Variants in SSUH2 observed in about 807,000 individuals in gnomAD.
SSUH2 encodes ssu-2 homolog.
Under a neutral mutation model 55.3 loss-of-function variants are expected in SSUH2, and 47 were observed. That is an observed-to-expected ratio of 0.85 (90% confidence interval 0.67 to 1.08). SSUH2 has a LOEUF of 1.08. Among genes scored for constraint, SSUH2 ranks in the 50% least tolerant of loss-of-function variants. The pLI is 0.00. For synonymous variants in SSUH2, 212 were observed against 191.5 expected, an observed-to-expected ratio of 1.11 and a Z score of -0.89; for missense variants, 535 against 490.7, an observed-to-expected ratio of 1.09 and a Z score of -0.85.
At chr3:8,628,378 T>C (rs776197991) in intron 7 of SSUH2, among the ~76,000 whole-genome samples, 24 of 152,120 alleles carry the variant, frequency 1.6e-4, no homozygotes, top group Non-Finnish European at 2.9e-5. Context: ...AGTTTGGTTT[T>C]ACCCCCTGGG....
At chr3:8,625,969 G>C (rs1257543897) in intron 9 of SSUH2, among the ~76,000 whole-genome samples, 1 of 152,210 alleles carries the variant, frequency 6.6e-6, no homozygotes, top group East Asian at 1.9e-4. Context: ...ATTCCTACGG[G>C]AAGGGCTCAG....
At chr3:8,629,428 G>T (rs989105847) in intron 7 of SSUH2, 2 of 562,668 alleles carry the variant, frequency 3.6e-6, no homozygotes, top group African/African-American at 1.9e-5. Flanking sequence ...AGATGGATGA[G>T]AAAATAAGAG....
chr3:8,648,586 T>C (rs1702006916), upstream of SSUH2, among the ~76,000 whole-genome samples: 1 of 152,108 alleles, frequency 6.6e-6, no homozygotes, highest in African/African-American at 2.4e-5. Context: ...GAAGTCTTTC[T>C]AGAAGCTTCC....
intron 8 of SSUH2, chr3:8,627,086 C>G (rs1474399225): frequency 1.3e-5 from 2 of 152,248 alleles, no homozygotes; most frequent in African/African-American, 2.4e-5. Context: ...ATGGCCTGGG[C>G]TTTAATGAGG....
chr3:8,670,640 C>A (rs776374183), intron 5 of SSUH2, among the ~76,000 whole-genome samples: 3 of 151,790 alleles, frequency 2.0e-5, no homozygotes, highest in African/African-American at 7.3e-5. Context: ...AGGAGTAACA[C>A]CCCCGAGGAT....
At position 8,629,678 on chromosome 3, in the gene SSUH2, G is replaced by A; in HGVS notation, c.574C>T (p.His192Tyr). The change falls in exon 7 of 12, where the codon CAC becomes TAC. Residue 192 changes from histidine to tyrosine, a missense_variant. By Grantham distance (83) the His-to-Tyr change is moderately conservative. Coordinates refer to ENST00000544814, the MANE Select transcript of SSUH2 (RefSeq NM_001256748.3). ...GRGRYKCSGC[H>Y]GAGTVRCPSC... ...AGATGACTCACCGTGCCCGCCCCGT[G>A]GCAGCCGCTGCACTTGTACCGCCCA... 8.6e-7 allele frequency: 1 copy of A among 1,159,932 alleles called. No individual in the cohort carries two copies. The highest frequency in any genetic ancestry group is 2.1e-5 in the Admixed American group (1 of 47,472). 71.9% of individuals were successfully genotyped at this position (1,159,932 alleles called of 1,614,324 possible).
chr3:8,631,091 A>C (rs1698681881), intron 5 of SSUH2, among the ~76,000 whole-genome samples, 162 bp from the exon 6 acceptor site: 1 of 152,196 alleles, frequency 6.6e-6, no homozygotes, highest in Admixed American at 6.5e-5. Context: ...GGCAGTGACT[A>C]AGCAACCAAG....
chr3:8,663,061 C>T (rs1171705227), intron 6 of SSUH2, among the ~76,000 whole-genome samples: 1 of 152,216 alleles, frequency 6.6e-6, no homozygotes, highest in Non-Finnish European at 1.5e-5. Flanking sequence ...ATAAAAACAG[C>T]CACTGCCATG....
intron 1 of SSUH2, chr3:8,639,919 CGTAA>C (rs1399275442): frequency 1.0e-6 from 1 of 971,322 alleles, no homozygotes; most frequent in Admixed American, 6.2e-5. Context: ...AACAGGCACA[CGTAA>C]GTGTTAGGGG....
upstream of SSUH2, among the ~76,000 whole-genome samples, chr3:8,646,937 G>A (rs1701748477): frequency 6.6e-6 from 1 of 152,224 alleles, no homozygotes; most frequent in Admixed American, 6.5e-5. Flanking sequence ...TCCTGCATGT[G>A]CTAAGTGCTC....
At chr3:8,671,995 ACATCCTCTGTACTCTTTGCAGTAATAG>A in exon 4 of SSUH2, 1 of 152,104 alleles carries the variant, frequency 6.6e-6, no homozygotes, top group Non-Finnish European at 1.5e-5. Flanking sequence ...AGACGGGTGT[ACATCCTCTGTACTCTTTGCAGTAATAG>A]CATCCTCTTG....
rs1462451338 is a variant in SSUH2 at position 8,679,223 on chromosome 3, TC to T, written c.-901+481del. The stretch of plus-strand genomic sequence containing the variant: ...CCCCATCGCAGGGGGGATGGCACCC[TC>T]CGTGAGCGGGGACTGAGAGCCAGCC... On this transcript the variant is annotated intron_variant, in intron 2 of 18. Transcript: ENST00000317371. Among the ~76,000 whole-genome samples the T allele has an allele frequency of 4.4e-3, 9 of 2,068 alleles. 2 individuals are homozygous for T. Among genetic ancestry groups the T allele is most frequent in the Admixed American group, 0.016 (4 of 254 alleles). The allele number at this position is 2,068 out of a possible 152,430, so 1.4% of individuals were successfully genotyped here.
chr3:8,625,641 G>T lies in SSUH2; in HGVS notation c.774C>A (p.Asn258Lys). The T allele has an allele frequency of 6.2e-7, 1 of 1,612,114 alleles. No homozygotes were observed. The highest frequency in any genetic ancestry group is 1.3e-5 in the African/African-American group (1 of 75,006). ...GCTCAGACACAAACTCAAACAAGCT[G>T]TTCTTCCTGGAGGGAAGGAGGATGA... Reference protein sequence around the residue: ...HFIQLVIMWKNSLFEFVSEHR... With the variant: ...HFIQLVIMWKKSLFEFVSEHR... The change falls in exon 10 of 12, where the codon AAC becomes AAA. Residue 258 changes from asparagine to lysine, a missense_variant. Coordinates refer to ENST00000544814, the MANE Select transcript of SSUH2 (RefSeq NM_001256748.3).
intron 3 of SSUH2, among the ~76,000 whole-genome samples, chr3:8,676,471 A>G (rs1559553962): frequency 6.6e-6 from 1 of 150,666 alleles, no homozygotes; most frequent in Non-Finnish European, 1.5e-5. Flanking sequence ...TCTGCCATAC[A>G]TGTAGTCATA....
chr3:8,679,039 CA>C lies in SSUH2; in HGVS notation c.-901+665del, dbSNP rs1427769792. ...CCTCTTCCCCCCCTGGCTCTTAGGA[CA>C]CCAAACGCAGGGGAGGAAGCACCCC... On this transcript the variant is annotated intron_variant, in intron 2 of 18. Coordinates refer to the SSUH2 transcript ENST00000317371. Among the ~76,000 whole-genome samples, 6 of 107,504 alleles carry C rather than the reference CA, an allele frequency of 5.6e-5. 2 individuals are homozygous for C. Among genetic ancestry groups the C allele is most frequent in the South Asian group, 6.6e-4 (2 of 3,040 alleles). 70.5% of individuals were successfully genotyped at this position (107,504 alleles called of 152,430 possible).
At chr3:8,633,640 G>A (rs1559360353) in intron 4 of SSUH2, 26 bp downstream of exon 4, 7 of 1,493,026 alleles carry the variant, frequency 4.7e-6, no homozygotes, top group African/African-American at 1.4e-5. Flanking sequence ...CCCGGCCAAG[G>A]CCCCCCACCG....
intron 6 of SSUH2, among the ~76,000 whole-genome samples, chr3:8,661,097 G>A (rs548559628): frequency 1.1e-4 from 17 of 152,338 alleles, no homozygotes; most frequent in South Asian, 4.1e-4. Context: ...GTCTGACGCC[G>A]AAGTCCATGC....
At chr3:8,659,812 A>G (rs1384376551) in intron 6 of SSUH2, 1 of 455,664 alleles carries the variant, frequency 2.2e-6, no homozygotes, top group Non-Finnish European at 4.4e-6. Flanking sequence ...CTGCAGTCAG[A>G]AGAGAGAGAG....
chr3:8,681,289 C>T (rs1354950624), intron 1 of SSUH2, among the ~76,000 whole-genome samples: 1 of 146,690 alleles, frequency 6.8e-6, no homozygotes, highest in Non-Finnish European at 1.5e-5. Flanking sequence ...AGCCCCTCTT[C>T]CCTCCCTGGA....
Sources: allele counts gnomAD v4.1 joint callset (sites outside exome capture counted in the v4.1 genomes callset), GRCh38; gene constraint gnomAD v4.1.1; transcripts MANE v1.5; gene names NCBI Gene and HGNC (gene_info 2026-07-23, HGNC 2026-07-21).